Variants in CCDC81 observed in about 807,000 individuals in gnomAD.
CCDC81 encodes coiled-coil domain-containing protein 81.
CCDC81 carries 79 observed loss-of-function variants against 83.7 expected under a neutral mutation model. The ratio of observed to expected loss-of-function variants is 0.94; its 90% CI spans 0.79 to 1.14. The LOEUF (loss-of-function observed/expected upper bound fraction) is 1.14. CCDC81 is among the 50% of genes most tolerant of loss of function. The probability of loss-of-function intolerance (pLI) is 0.00; values close to 1 mark genes in which losing one functional copy is unlikely to be tolerated. For missense variants in CCDC81, 791 were observed against 778.1 expected (o/e 1.02, Z -0.20); for synonymous variants, 252 against 278.1 (o/e 0.91, Z 0.93).
intron 13 of CCDC81, 58 bp downstream of exon 13, chr11:86,415,371 ATC>A (rs1948703529): frequency 7.1e-7 from 1 of 1,404,808 alleles, no homozygotes; most frequent in Admixed American, 1.8e-5. Context: ...CGCTTCCTTT[ATC>A]TCTCTTTTTC....
intron 3 of CCDC81, among the ~76,000 whole-genome samples, chr11:86,391,493 C>T (rs1258834706): frequency 6.6e-6 from 1 of 152,138 alleles, no homozygotes; most frequent in Non-Finnish European, 1.5e-5. Context: ...CCTTGTATTG[C>T]TCCTACATCT....
At chr11:86,391,550 G>T (rs1231324395) in intron 3 of CCDC81, among the ~76,000 whole-genome samples, 1 of 152,050 alleles carries the variant, frequency 6.6e-6, no homozygotes, top group South Asian at 2.1e-4. Flanking sequence ...AGATATAATC[G>T]TATTCCTTTG....
intron 1 of CCDC81, among the ~76,000 whole-genome samples, chr11:86,385,524 GA>G (rs1303172220): frequency 6.6e-6 from 1 of 152,214 alleles, no homozygotes; most frequent in Non-Finnish European, 1.5e-5. Flanking sequence ...GCTTAGCAGT[GA>G]AAAATGAGAA....
intron 5 of CCDC81, among the ~76,000 whole-genome samples, chr11:86,395,709 C>T (rs554216959): frequency 6.6e-6 from 1 of 152,300 alleles, no homozygotes; most frequent in South Asian, 2.1e-4. Context: ...CAACCTCGGT[C>T]TCCTGGGTTC....
chr11:86,378,927 G>C (rs1225374036), intron 1 of CCDC81, among the ~76,000 whole-genome samples: 1 of 151,970 alleles, frequency 6.6e-6, no homozygotes, highest in East Asian at 1.9e-4. Flanking sequence ...AGCAATCTTT[G>C]TCTTTTAATT....
intron 10 of CCDC81, among the ~76,000 whole-genome samples, chr11:86,409,598 C>A (rs1016340512): frequency 6.6e-6 from 1 of 152,136 alleles, no homozygotes; most frequent in Non-Finnish European, 1.5e-5. Context: ...ATTACAGGCA[C>A]CCGCCACCAT....
At chr11:86,422,397 G>A (rs774009454) in intron 14 of CCDC81, among the ~76,000 whole-genome samples, 177 bp from the exon 15 acceptor site, 1 of 152,150 alleles carries the variant, frequency 6.6e-6, no homozygotes, top group Non-Finnish European at 1.5e-5. Context: ...AGTAGAGAAC[G>A]ACAAGCCAGC....
Position 86,400,770 on chromosome 11 carries a change from G to T in CCDC81, c.850G>T (p.Glu284Ter), listed in dbSNP as rs1187738635. ...VSLLEKFERS[E>*]SGGKIMTPES... Reference sequence around the variant, plus strand: ...CTTGCTGGAAAAGTTTGAACGAAGTGAGAGTGGTGGGAAGATTATGACCCC... The same window carrying T: ...CTTGCTGGAAAAGTTTGAACGAAGTTAGAGTGGTGGGAAGATTATGACCCC... The change falls in exon 7 of 15, where the codon GAG becomes TAG. Residue 284 changes from glutamate (E) to a stop codon, truncating the protein, a stop_gained. Coordinates refer to ENST00000445632, the MANE Select transcript of CCDC81 (RefSeq NM_001156474.2). LOFTEE classifies it high-confidence loss of function. The T allele has an allele frequency of 6.2e-7, 1 of 1,612,736 alleles. No homozygotes were observed. Among genetic ancestry groups the T allele is most frequent in the South Asian group, 1.1e-5 (1 of 90,962 alleles).
chr11:86,417,487 ATCTT>A (rs1214741472), intron 13 of CCDC81, among the ~76,000 whole-genome samples: 1 of 151,982 alleles, frequency 6.6e-6, no homozygotes, highest in East Asian at 1.9e-4. Flanking sequence ...CTGCAAACTA[ATCTT>A]TCTTTAACCT....
At chr11:86,402,494 G>A (rs1219822002) in intron 7 of CCDC81, among the ~76,000 whole-genome samples, 1 of 152,088 alleles carries the variant, frequency 6.6e-6, no homozygotes, top group Non-Finnish European at 1.5e-5. Flanking sequence ...TAAACCTTTT[G>A]TTTAACCAAT....
chr11:86,411,873 C>G (rs989836623), intron 10 of CCDC81, among the ~76,000 whole-genome samples: 2 of 152,108 alleles, frequency 1.3e-5, no homozygotes, highest in Admixed American at 1.3e-4. Context: ...AGAAAAGAAC[C>G]ACTAGGCCTT....
chr11:86,416,255 T>C (rs917649675), intron 13 of CCDC81, among the ~76,000 whole-genome samples: 5 of 152,248 alleles, frequency 3.3e-5, no homozygotes, highest in Admixed American at 1.3e-4. Context: ...GAAAGGAAGA[T>C]GTCTTTCCCA....
intron 5 of CCDC81, 92 bp from the exon 6 acceptor site, chr11:86,397,529 C>T: frequency 2.0e-6 from 3 of 1,468,812 alleles, no homozygotes; most frequent in Non-Finnish European, 2.7e-6. Flanking sequence ...TCAGAATCAG[C>T]CAGCTGGCTG....
At position 86,412,328 on chromosome 11, in the gene CCDC81, A is replaced by G. The variant is rs999341918; in HGVS notation, c.1219-59A>G. ...TTTCTGATTTATCTTAGTCTTCTGA[A>G]TTATTAACCTTGTTTTTCAGTACTC... is the stretch of plus-strand genomic sequence containing the variant. On this transcript the variant is annotated intron_variant, in intron 10 of 14. Coordinates refer to ENST00000445632, the MANE Select transcript of CCDC81 (RefSeq NM_001156474.2). 23 of 1,297,574 alleles carry G rather than the reference A, an allele frequency of 1.8e-5. No individual in the cohort carries two copies. The African/African-American group carries it at 3.3e-4, about 18-fold the overall frequency. The allele number at this position is 1,297,574 out of a possible 1,614,324, so 80.4% of individuals were successfully genotyped here.
At chr11:86,388,104 T>G (rs899595877) in intron 3 of CCDC81, among the ~76,000 whole-genome samples, 1 of 152,188 alleles carries the variant, frequency 6.6e-6, no homozygotes, top group South Asian at 2.1e-4. Context: ...AATTTAAAAG[T>G]TAGAAGTTGA....
At chr11:86,415,358 T>C in intron 13 of CCDC81, 45 bp downstream of exon 13, 2 of 1,470,462 alleles carry the variant, frequency 1.4e-6, no homozygotes, top group Non-Finnish European at 1.9e-6. Context: ...TCCTCACTTA[T>C]TCCGCTTCCT....
chr11:86,392,694 T>G lies in CCDC81; in HGVS notation c.452T>G (p.Ile151Ser). ...KQNVEFTFKGIGVLMIRDSKV... is the reference protein window; with the variant it reads ...KQNVEFTFKGSGVLMIRDSKV... ...AATGTGGAGTTTACATTCAAAGGAA[T>G]TGGGGTCCTCATGATCAGAGACAGC... Residue 151 changes from isoleucine to serine, a missense_variant, in exon 4 of 15, where the codon ATT (isoleucine) becomes AGT (serine). Transcript: ENST00000445632. The G allele has an allele frequency of 6.4e-7, 1 of 1,551,696 alleles. No individual in the cohort carries two copies. The highest frequency in any genetic ancestry group is 8.7e-7 in the Non-Finnish European group (1 of 1,146,974).
At chr11:86,395,228 A>G in intron 4 of CCDC81, 106 bp from the exon 5 acceptor site, 1 of 790,332 alleles carries the variant, frequency 1.3e-6, no homozygotes, top group East Asian at 2.6e-5. Flanking sequence ...ATAAACAACA[A>G]CAAGAAAAGT....
Position 86,392,671 on chromosome 11 carries a change from T to C in CCDC81, c.429T>C (p.Asn143=). 1 of 1,551,660 alleles carries C rather than the reference T, an allele frequency of 6.4e-7. No individual in the cohort carries two copies. Among genetic ancestry groups the C allele is most frequent in the Non-Finnish European group, 8.7e-7 (1 of 1,146,960 alleles). Residue 143 remains asparagine, a synonymous_variant, in exon 4 of 15, where the codon AAT becomes AAC. Transcript: ENST00000445632. ...CGCGTTCCATTTCCATGAAACAAAA[T>C]GTGGAGTTTACATTCAAAGGAATTG... The part of the protein sequence containing the change: ...FLSRSISMKQ[N]VEFTFKGIGV...
Sources: gnomAD v4.1 joint callset for allele counts (sites outside exome capture counted in the v4.1 genomes callset) on GRCh38, gnomAD v4.1.1 for gene constraint, MANE v1.5 for transcripts, NCBI Gene and HGNC (gene_info 2026-07-23, HGNC 2026-07-21) for gene names.